Variants in DNAH3 observed in about 807,000 individuals in gnomAD.
DNAH3 encodes the protein dynein axonemal heavy chain 3, also known as axonemal beta dynein heavy chain 3.
DNAH3 carries 332 observed loss-of-function variants against 432.5 expected under a neutral mutation model. The observed-to-expected ratio is 0.77, with a 90% CI of 0.70 to 0.84. The LOEUF (loss-of-function observed/expected upper bound fraction) is 0.84, where lower values mean the gene tolerates loss of function less well. Ranked by LOEUF, DNAH3 falls within the 40% of genes least tolerant of loss-of-function variation. The probability of loss-of-function intolerance (pLI) is 0.00; values close to 1 mark genes in which losing one functional copy is unlikely to be tolerated. For synonymous variants in DNAH3, 1,956 were observed against 1,900.2 expected, an observed-to-expected ratio of 1.03 and a Z score of -0.76; for missense variants, 4,861 against 5,114.0, an observed-to-expected ratio of 0.95 and a Z score of 1.51.
At chr16:21,078,306 T>TAAAAA (rs2091051364) in intron 20 of DNAH3, among the ~76,000 whole-genome samples, 1 of 140,660 alleles carries the variant, frequency 7.1e-6, no homozygotes. Flanking sequence ...GAGTAACAAC[T>TAAAAA]AATAGAACTG....
At chr16:21,117,629 G>T (rs1020102086) in intron 11 of DNAH3, among the ~76,000 whole-genome samples, 1 of 152,100 alleles carries the variant, frequency 6.6e-6, no homozygotes, top group Non-Finnish European at 1.5e-5. Context: ...GTGGATGTTG[G>T]TTTCCCTGTT....
intron 7 of DNAH3, among the ~76,000 whole-genome samples, chr16:21,132,661 T>C (rs1456035949): frequency 6.6e-6 from 1 of 152,228 alleles, no homozygotes; most frequent in African/African-American, 2.4e-5. Context: ...TATTGCATGA[T>C]TCCATTTCTA....
chr16:20,983,429 T>C (rs1567578944), intron 48 of DNAH3, among the ~76,000 whole-genome samples: 1 of 151,852 alleles, frequency 6.6e-6, no homozygotes, highest in African/African-American at 2.4e-5. Flanking sequence ...CCTGAGTCTA[T>C]TACCTTCTAA....
chr16:20,987,751 A>G (rs769402579), exon 46 of DNAH3: 2 of 1,614,190 alleles, frequency 1.2e-6, no homozygotes, highest in Non-Finnish European at 8.5e-7. Context: ...GAAGTCCCGC[A>G]GGTTAAAGAC....
rs79029330 is a variant in DNAH3 at position 20,933,490 on chromosome 16, T to G, written c.12015A>C (p.Thr4005=). ...CATCTTCGGGGTTATTCTCCATCAC[T>G]GTTTCTTGTGGGGTTACCTGGAAGA... The change falls in exon 62 of 62, where the codon ACA becomes ACC. Residue 4005 remains threonine, a synonymous_variant. Coordinates refer to ENST00000261383, the Ensembl canonical transcript of DNAH3. 5.3e-4 allele frequency: 847 copies of G among 1,596,406 alleles called. 4 individuals carry two copies. In the African/African-American group the frequency reaches 0.01, roughly 19 times the overall value.
At chr16:21,075,166 T>C (rs78625859) in intron 21 of DNAH3, among the ~76,000 whole-genome samples, 11,863 of 152,184 alleles carry the variant, frequency 0.078, 652 homozygotes, top group South Asian at 0.18. Context: ...GCCTGCACCT[T>C]CACTGGGAGG....
Position 20,966,014 on chromosome 16 carries a change from ATTTTTT to A in DNAH3, c.8459-595_8459-590del, listed in dbSNP as rs555983378. Among the ~76,000 whole-genome samples, 71 of 48,356 alleles carry A rather than the reference ATTTTTT, an allele frequency of 1.5e-3. 4 individuals are homozygous for A. Among genetic ancestry groups the A allele is most frequent in the East Asian group, 8.7e-3 (19 of 2,184 alleles). 31.7% of individuals were successfully genotyped at this position (48,356 alleles called of 152,430 possible). A position where few individuals can be genotyped will look rare whatever the true frequency, so the allele number is the denominator to read the frequency against. ...AGGCCTGAGCCACCATGCCCAGCCA[ATTTTTT>A]TTTTTTTTTTTTTTTTTTTTTTTTT... On this transcript the variant is annotated intron_variant, in intron 52 of 61. Transcript: ENST00000261383.
chr16:21,139,124 A>G (rs2092683986), intron 5 of DNAH3, among the ~76,000 whole-genome samples: 1 of 152,152 alleles, frequency 6.6e-6, no homozygotes, highest in African/African-American at 2.4e-5. Context: ...TGGAAACTCC[A>G]ACATCTATCT....
exon 29 of DNAH3, chr16:21,051,824 G>A: frequency 6.2e-7 from 1 of 1,614,082 alleles, no homozygotes; most frequent in Non-Finnish European, 8.5e-7. Context: ...AAATCATTCA[G>A]ATCGGAGACC....
At chr16:21,040,104 C>A (rs1271719818) in intron 32 of DNAH3, among the ~76,000 whole-genome samples, 161 bp from the exon 33 acceptor site, 1 of 152,154 alleles carries the variant, frequency 6.6e-6, no homozygotes. Context: ...GATGGACCAT[C>A]CTCGGTGGGC....
At chr16:20,939,612 C>CAA (rs35683068) in intron 59 of DNAH3, among the ~76,000 whole-genome samples, 41 of 97,628 alleles carry the variant, frequency 4.2e-4, no homozygotes, top group African/African-American at 1.4e-3. Flanking sequence ...GACTCTGTCT[C>CAA]AAAAAAAAAA....
At chr16:21,003,357 G>A (rs892389618) in intron 41 of DNAH3, 150 bp from the exon 42 acceptor site, 9 of 589,136 alleles carry the variant, frequency 1.5e-5, no homozygotes, top group Middle Eastern at 6.7e-4. Context: ...TACATTGCTG[G>A]AAAGTGTATA....
intron 18 of DNAH3, among the ~76,000 whole-genome samples, chr16:21,088,362 C>T (rs2091441595): frequency 6.6e-6 from 1 of 152,106 alleles, no homozygotes; most frequent in Non-Finnish European, 1.5e-5. Flanking sequence ...AAGGCTAACA[C>T]TTCATTGTTC....
intron 40 of DNAH3, among the ~76,000 whole-genome samples, chr16:21,020,223 G>T (rs1386111706): frequency 3.3e-5 from 5 of 149,272 alleles, no homozygotes; most frequent in Admixed American, 6.8e-5. Flanking sequence ...GGTTTTGCCA[G>T]GTTGCCCAGG....
chr16:21,030,393 T>A (rs1466636722), intron 37 of DNAH3, among the ~76,000 whole-genome samples: 1 of 152,126 alleles, frequency 6.6e-6, no homozygotes, highest in East Asian at 1.9e-4. Flanking sequence ...GGAGGTATTA[T>A]TTTTAGAGAG....
At chr16:21,069,566 T>C (rs1348075688) in exon 23 of DNAH3, 6 of 1,610,122 alleles carry the variant, frequency 3.7e-6, no homozygotes, top group Non-Finnish European at 5.1e-6. Flanking sequence ...CAAATTGTCT[T>C]GTATGCGAAT....
chr16:21,145,127 T>C, intron 3 of DNAH3, 54 bp downstream of exon 4: 1 of 1,404,432 alleles, frequency 7.1e-7, no homozygotes. Context: ...AATAAATAAA[T>C]AAAAATTTCC....
intron 53 of DNAH3, among the ~76,000 whole-genome samples, chr16:20,961,417 C>T (rs1202378592): frequency 6.6e-6 from 1 of 151,988 alleles, no homozygotes; most frequent in African/African-American, 2.4e-5. Context: ...ATGGTTGCAG[C>T]ACACCAACAT....
exon 62 of DNAH3, chr16:20,933,441 A>G (rs896950388): frequency 1.2e-6 from 2 of 1,613,858 alleles, no homozygotes; most frequent in Non-Finnish European, 8.5e-7. Flanking sequence ...GCACCTTCTA[A>G]GAAGAGCCCT....
Sources: gnomAD v4.1 joint callset for allele counts (sites outside exome capture counted in the v4.1 genomes callset) on GRCh38, gnomAD v4.1.1 for gene constraint, MANE v1.5 for transcripts, NCBI Gene and HGNC (gene_info 2026-07-23, HGNC 2026-07-21) for gene names.